The following VAV2 variants were observed in gnomAD, a reference collection of about 807,000 sequenced individuals.
VAV2 encodes the protein guanine nucleotide exchange factor VAV2.
VAV2 carries 67 observed loss-of-function variants against 132.5 expected under a neutral mutation model. The ratio of observed to expected loss-of-function variants is 0.51; its 90% CI spans 0.42 to 0.62. VAV2 has a LOEUF of 0.62. Among genes scored for constraint, VAV2 ranks in the 20% least tolerant of loss-of-function variants. VAV2 has a pLI of 0.00. For missense variants in VAV2, 938 were observed against 1,153.6 expected (o/e 0.81, Z 2.71); for synonymous variants, 492 against 443.5 (o/e 1.11, Z -1.37).
At chr9:133,894,518 G>A (rs1213844298) in intron 2 of VAV2, among the ~76,000 whole-genome samples, 29 of 152,158 alleles carry the variant, frequency 1.9e-4, no homozygotes, top group Admixed American at 1.3e-4. Context: ...AGAGCTCCCC[G>A]GGTGACCCTG....
intron 10 of VAV2, 23 bp downstream of exon 10, chr9:133,797,687 G>C (rs1248530473): frequency 6.2e-7 from 1 of 1,605,816 alleles, no homozygotes; most frequent in Non-Finnish European, 8.5e-7. Flanking sequence ...CCAGGGCCAG[G>C]GCCAACGCCT....
chr9:133,930,257 G>T (rs1840631867), intron 2 of VAV2, among the ~76,000 whole-genome samples: 1 of 148,030 alleles, frequency 6.8e-6, no homozygotes, highest in South Asian at 2.2e-4. Flanking sequence ...CTGCCTCCCG[G>T]CCTCTTCACT....
intron 19 of VAV2, 144 bp downstream of exon 19, chr9:133,783,359 G>A: frequency 2.7e-6 from 2 of 737,400 alleles, no homozygotes; most frequent in Non-Finnish European, 2.4e-6. Context: ...TCTGGTGTCT[G>A]CTCTGGGGCA....
At chr9:133,844,217 G>A (rs1180278670) in intron 3 of VAV2, among the ~76,000 whole-genome samples, 1 of 152,182 alleles carries the variant, frequency 6.6e-6, no homozygotes, top group East Asian at 1.9e-4. Flanking sequence ...CAGCTGTAAG[G>A]CATAATATAT....
chr9:133,809,679 C>T (rs954087694), intron 6 of VAV2, among the ~76,000 whole-genome samples: 6 of 152,340 alleles, frequency 3.9e-5, no homozygotes, highest in Non-Finnish European at 5.9e-5. Context: ...GACCCCCCAC[C>T]GCCAGCAGGG....
intron 1 of VAV2, among the ~76,000 whole-genome samples, chr9:133,959,848 G>A (rs914528759): frequency 6.6e-6 from 1 of 152,170 alleles, no homozygotes; most frequent in Non-Finnish European, 1.5e-5. Flanking sequence ...CGCAGGAGGT[G>A]GGGGAGGCAG....
chr9:133,769,608 T>G lies in VAV2; in HGVS notation c.2348-105A>C. The G allele has an allele frequency of 1.0e-5, 12 of 1,203,460 alleles. No homozygotes were observed. Among genetic ancestry groups the G allele is most frequent in the South Asian group, 4.7e-5 (3 of 63,806 alleles). The allele number at this position is 1,203,460 out of a possible 1,614,324, so 74.5% of individuals were successfully genotyped here. On this transcript the variant is annotated intron_variant, in intron 27 of 29. Transcript: ENST00000371850. This position sits in a 1 kb window ranked among gnomAD's most constrained non-coding sequence, Gnocchi z 8.1. ...GGGGCATGGGGTGGGGCAGGCCCTT[T>G]GGCAGGAGAGGCCCTACAGGGGGGC...
chr9:133,888,542 A>G (rs1255658143), intron 2 of VAV2, among the ~76,000 whole-genome samples: 1 of 152,174 alleles, frequency 6.6e-6, no homozygotes, highest in African/African-American at 2.4e-5. Flanking sequence ...GTTTCCATAG[A>G]AACCGCTGTG....
At chr9:133,901,360 G>C (rs1182413151) in intron 2 of VAV2, among the ~76,000 whole-genome samples, 1 of 152,168 alleles carries the variant, frequency 6.6e-6, no homozygotes, top group Non-Finnish European at 1.5e-5. Flanking sequence ...TTGTGACAGG[G>C]ACCCTGAGGC....
intron 4 of VAV2, among the ~76,000 whole-genome samples, chr9:133,828,914 A>AGCTGTCACCTCTTCTGAGGAGGCCCG (rs1376002140): frequency 3.3e-5 from 5 of 152,208 alleles, no homozygotes; most frequent in African/African-American, 1.2e-4. Context: ...GCTGAGGCCC[A>AGCTGTCACCTCTTCTGAGGAGGCCCG]GCTGTCACCT....
intron 2 of VAV2, among the ~76,000 whole-genome samples, chr9:133,930,381 G>GGCCTCCACC (rs1840639613): frequency 6.7e-6 from 1 of 148,316 alleles, no homozygotes; most frequent in Non-Finnish European, 1.5e-5. Flanking sequence ...CTGCCTCCTT[G>GGCCTCCACC]CTGCCTCCTG....
intron 2 of VAV2, among the ~76,000 whole-genome samples, chr9:133,932,943 C>T (rs1840738485): frequency 6.6e-6 from 1 of 152,234 alleles, no homozygotes; most frequent in African/African-American, 2.4e-5. Flanking sequence ...TCCCAATGCT[C>T]CTCCTGGGTT....
In VAV2 at chr9:133,826,053, A is replaced by T. The variant is rs1835976032; in HGVS notation, c.449+8219T>A. ...TCACGATCACATTTGTTTAAGCCTG[A>T]AAATCACTTCAACTCCCAGGAAAGT... On this transcript the variant is annotated intron_variant, in intron 4 of 29. Transcript: ENST00000371850. The surrounding 1 kb of genome is among the most constrained non-coding windows in gnomAD (Gnocchi z 4.2). Among the ~76,000 whole-genome samples, 1 of 152,232 alleles carries T rather than the reference A, an allele frequency of 6.6e-6. No individual in the cohort carries two copies. Among genetic ancestry groups the T allele is most frequent in the Non-Finnish European group, 1.5e-5 (1 of 68,048 alleles).
chr9:133,812,221 A>G lies in VAV2; in HGVS notation c.450-5T>C, dbSNP rs760994419. ...TCCTCCCCCAGGTCATGCTCGCTGC[A>G]CAGGAGGAGGCGGGTTAGAGGGGAG... On this transcript the variant is annotated splice_region_variant and splice_polypyrimidine_tract_variant and intron_variant, in intron 4 of 29. Transcript: ENST00000371850. 3.1e-6 allele frequency: 5 copies of G among 1,613,428 alleles called. No homozygotes were observed. The Admixed American group carries it at 8.3e-5, about 27-fold the overall frequency.
At chr9:133,774,883 T>C in intron 25 of VAV2, 52 bp downstream of exon 25, 1 of 1,532,706 alleles carries the variant, frequency 6.5e-7, no homozygotes, top group Non-Finnish European at 8.9e-7. Flanking sequence ...TGCTCTCCAC[T>C]TCAGAACGGC....
intron 3 of VAV2, among the ~76,000 whole-genome samples, chr9:133,854,152 C>T (rs113932962): frequency 1.0e-3 from 111 of 109,702 alleles, no homozygotes; most frequent in Middle Eastern, 4.6e-3. Flanking sequence ...CACCTGCACA[C>T]ACACATCTGC....
At chr9:133,967,522 A>T (rs923117183) in intron 1 of VAV2, among the ~76,000 whole-genome samples, 1 of 152,254 alleles carries the variant, frequency 6.6e-6, no homozygotes, top group Non-Finnish European at 1.5e-5. Context: ...AAAATGTGAC[A>T]TATATACACA....
At chr9:133,806,767 G>A (rs1207033863) in intron 8 of VAV2, among the ~76,000 whole-genome samples, 3 of 152,238 alleles carry the variant, frequency 2.0e-5, no homozygotes, top group Admixed American at 6.5e-5. Flanking sequence ...GCCAGGCCAG[G>A]AGGAAGGGCC....
At chr9:133,934,263 G>C (rs1035336535) in intron 2 of VAV2, among the ~76,000 whole-genome samples, 9 of 152,300 alleles carry the variant, frequency 5.9e-5, no homozygotes, top group Middle Eastern at 3.4e-3. Context: ...AACAAACCCA[G>C]AGCCCAGACA....
Sources: gnomAD v4.1 joint callset for allele counts (sites outside exome capture counted in the v4.1 genomes callset) on GRCh38, gnomAD v4.1.1 for gene constraint, Gnocchi (gnomAD v3.1) non-coding constraint, MANE v1.5 for transcripts, NCBI Gene and HGNC (gene_info 2026-07-23, HGNC 2026-07-21) for gene names.